The following WDR7 variants were observed in gnomAD, a reference collection of about 807,000 sequenced individuals.
The protein encoded by WDR7 is WD repeat domain 7, also known as WD repeat-containing protein 7.
In WDR7, 46 loss-of-function variants were observed where a neutral mutation model predicts 169.4. That is an observed-to-expected ratio of 0.27 (90% CI 0.21 to 0.35). The LOEUF (loss-of-function observed/expected upper bound fraction) is 0.35. Ranked by LOEUF, WDR7 falls within the 10% of genes least tolerant of loss-of-function variation. The pLI, the probability that WDR7 is intolerant of heterozygous loss-of-function variation, is 1.00. For synonymous variants in WDR7, 612 were observed against 666.8 expected (o/e 0.92, Z 1.27); for missense variants, 1,534 against 1,859.3 (o/e 0.83, Z 3.22).
At chr18:56,887,466 G>A (rs2046212404) in intron 21 of WDR7, among the ~76,000 whole-genome samples, 1 of 152,186 alleles carries the variant, frequency 6.6e-6, no homozygotes. Flanking sequence ...CTATTTATGA[G>A]CGATTTTGGG....
chr18:56,913,453 T>G (rs910902279), intron 21 of WDR7, among the ~76,000 whole-genome samples: 1 of 151,892 alleles, frequency 6.6e-6, no homozygotes, highest in African/African-American at 2.4e-5. Context: ...AATCCCTAAA[T>G]TAATCCTGTC....
chr18:56,994,693 T>C (rs1599229418), intron 26 of WDR7, among the ~76,000 whole-genome samples: 1 of 152,230 alleles, frequency 6.6e-6, no homozygotes. Context: ...CATCCTATCT[T>C]GGTAAACCAT....
chr18:56,972,784 C>T (rs890198308), intron 26 of WDR7, among the ~76,000 whole-genome samples: 2 of 152,062 alleles, frequency 1.3e-5, no homozygotes, highest in Non-Finnish European at 2.9e-5. Context: ...TTTAACTGAC[C>T]GTGTGGAGGA....
chr18:56,687,561 C>A (rs2025468212), intron 7 of WDR7, among the ~76,000 whole-genome samples: 1 of 152,194 alleles, frequency 6.6e-6, no homozygotes. Flanking sequence ...TTCTGAATAA[C>A]AAATCATTCC....
At chr18:57,010,580 C>T (rs1054969892) in intron 26 of WDR7, among the ~76,000 whole-genome samples, 2 of 152,148 alleles carry the variant, frequency 1.3e-5, no homozygotes, top group South Asian at 2.1e-4. Flanking sequence ...AATATATTAA[C>T]TTGTGATGTT....
chr18:56,811,629 A>G (rs2044870759), intron 19 of WDR7, among the ~76,000 whole-genome samples: 1 of 152,126 alleles, frequency 6.6e-6, no homozygotes. Context: ...ATTTCAGTCC[A>G]TGATCTACTT....
chr18:56,956,096 A>G (rs2047246558), intron 25 of WDR7, among the ~76,000 whole-genome samples: 2 of 152,178 alleles, frequency 1.3e-5, no homozygotes, highest in Non-Finnish European at 1.5e-5. Flanking sequence ...GACTATTTAC[A>G]GTGTGCAAAA....
chr18:56,778,234 C>CT (rs2044268494), intron 17 of WDR7, among the ~76,000 whole-genome samples: 1 of 152,092 alleles, frequency 6.6e-6, no homozygotes, highest in African/African-American at 2.4e-5. Context: ...CTCTCTCCCG[C>CT]TCTCATTCAC....
intron 19 of WDR7, among the ~76,000 whole-genome samples, chr18:56,786,920 A>ACTACTT: frequency 6.6e-6 from 1 of 151,754 alleles, no homozygotes; most frequent in East Asian, 2.0e-4. Context: ...AGTTTTTGCC[A>ACTACTT]TTAAAAGTAG....
At chr18:56,750,777 T>A (rs2043778822) in intron 14 of WDR7, among the ~76,000 whole-genome samples, 1 of 152,214 alleles carries the variant, frequency 6.6e-6, no homozygotes, top group African/African-American at 2.4e-5. Context: ...TCCCTATAGA[T>A]AAGCTTAGTG....
At position 57,006,465 on chromosome 18, in the gene WDR7, A is replaced by G. The variant is rs540944276; in HGVS notation, c.4165-14280A>G. Among the ~76,000 whole-genome samples the G allele has an allele frequency of 3.3e-5, 5 of 152,270 alleles. No homozygotes were observed. In the East Asian group the frequency reaches 7.7e-4, roughly 24 times the overall value. ...TGCTTATTAAGTACTAAAGAGTTTG[A>G]TGGTCCAAATATTGAATTTTGTAAT... On this transcript the variant is annotated intron_variant, in intron 26 of 27. Transcript: ENST00000254442.
At chr18:56,967,781 G>C (rs969253119) in intron 26 of WDR7, among the ~76,000 whole-genome samples, 1 of 152,164 alleles carries the variant, frequency 6.6e-6, no homozygotes, top group Non-Finnish European at 1.5e-5. Context: ...TCAAGTCCCT[G>C]ATATAAAATG....
At chr18:56,699,605 C>T (rs1355123723) in intron 12 of WDR7, among the ~76,000 whole-genome samples, 1 of 152,016 alleles carries the variant, frequency 6.6e-6, no homozygotes, top group Non-Finnish European at 1.5e-5. Flanking sequence ...ATTATTTGTT[C>T]AGGAAAGATA....
intron 21 of WDR7, among the ~76,000 whole-genome samples, chr18:56,911,012 C>A (rs1213731939): frequency 6.6e-6 from 1 of 152,182 alleles, no homozygotes; most frequent in Non-Finnish European, 1.5e-5. Context: ...CCAGAAAGAG[C>A]CCTGCTGCAG....
intron 21 of WDR7, among the ~76,000 whole-genome samples, chr18:56,895,950 A>G (rs1599137913): frequency 6.6e-6 from 1 of 151,856 alleles, no homozygotes; most frequent in African/African-American, 2.4e-5. Context: ...TAAATGGAAT[A>G]TATGATTTAT....
intron 26 of WDR7, among the ~76,000 whole-genome samples, chr18:57,007,832 T>G (rs1028585292): frequency 2.6e-5 from 4 of 152,206 alleles, no homozygotes; most frequent in African/African-American, 9.7e-5. Flanking sequence ...TTTGGTCTTT[T>G]CACTCTATCT....
chr18:56,976,318 G>A (rs9949318), intron 26 of WDR7, among the ~76,000 whole-genome samples: 1 of 152,146 alleles, frequency 6.6e-6, no homozygotes, highest in Non-Finnish European at 1.5e-5. Flanking sequence ...TGAGAAAAAG[G>A]ATGTGCTACA....
chr18:56,652,720 A>C (rs1244909999), intron 1 of WDR7, among the ~76,000 whole-genome samples: 1 of 152,224 alleles, frequency 6.6e-6, no homozygotes, highest in African/African-American at 2.4e-5. Context: ...CATTTATTTT[A>C]CTGCCAATCC....
At chr18:56,928,995 T>G (rs1300361932) in intron 22 of WDR7, among the ~76,000 whole-genome samples, 1 of 152,180 alleles carries the variant, frequency 6.6e-6, no homozygotes, top group Non-Finnish European at 1.5e-5. Flanking sequence ...TTTAATAAAA[T>G]TATTTTCAGC....
Sources: allele counts gnomAD v4.1 joint callset (sites outside exome capture counted in the v4.1 genomes callset), GRCh38; gene constraint gnomAD v4.1.1; transcripts MANE v1.5; gene names NCBI Gene and HGNC (gene_info 2026-07-23, HGNC 2026-07-21).